The following DNTTIP2 variants were observed in gnomAD, a reference collection of about 807,000 sequenced individuals.
DNTTIP2 encodes deoxynucleotidyltransferase terminal interacting protein 2.
A neutral mutation model predicts 62.4 loss-of-function variants in DNTTIP2; 47 were observed. The observed-to-expected ratio is 0.75, with a 90% CI of 0.60 to 0.96. DNTTIP2 has a LOEUF of 0.96. DNTTIP2 is among the 40% of genes least tolerant of loss of function. The pLI is 0.00. For missense variants in DNTTIP2, 870 were observed against 849.1 expected, an observed-to-expected ratio of 1.02 and a Z score of -0.31; for synonymous variants, 322 against 300.9, an observed-to-expected ratio of 1.07 and a Z score of -0.73.
intron 1 of DNTTIP2, chr1:93,878,820 T>C: frequency 2.2e-6 from 1 of 463,702 alleles, no homozygotes; most frequent in Non-Finnish European, 3.8e-6. Flanking sequence ...ACTGTGCTTC[T>C]GCATTAAGGA....
intron 5 of DNTTIP2, 59 bp downstream of exon 5, chr1:93,872,013 T>C: frequency 6.3e-7 from 1 of 1,582,252 alleles, no homozygotes; most frequent in African/African-American, 1.3e-5. Context: ...TAAAGAACAC[T>C]ACAGTGCTTT....
rs6667991 is a variant in DNTTIP2, at chr1:93,869,398, T to C, written c.*453A>G. 0.39 allele frequency: 59,059 copies of C among 152,758 alleles called. 11,949 individuals are homozygous for C. The highest frequency in any genetic ancestry group is 0.62 in the East Asian group (3,212 of 5,192). The allele number at this position is 152,758 out of a possible 1,614,324, so 9.5% of individuals were successfully genotyped here. ...GAATTTTATAGCTAACTATAGGGCATTGCCTCTCTACCATCTCCCGTCCCC... is the reference window on the plus strand; with the variant it reads ...GAATTTTATAGCTAACTATAGGGCACTGCCTCTCTACCATCTCCCGTCCCC... On this transcript the variant is annotated 3_prime_UTR_variant, in exon 7 of 7. Coordinates refer to ENST00000436063, the MANE Select transcript of DNTTIP2 (RefSeq NM_014597.5).
In DNTTIP2 at chr1:93,875,649, T is replaced by G. The variant is rs1167723400; in HGVS notation, c.1802A>C (p.Asn601Thr). ...CTAACAGCACAATTAACTTACCTCA[T>G]TTTTCTTTTTCTCCTTGATCTGTGT... is the stretch of plus-strand genomic sequence containing the variant. ...TLTQIKEKKK[N>T]ELLQKAVITP... Residue 601 changes from asparagine (N) to threonine (T), a missense_variant, in exon 3 of 7, where the codon AAT becomes ACT. Physicochemically the swap from Asn to Thr is moderately conservative, Grantham distance 65 (BLOSUM62 0). Coordinates refer to ENST00000436063, the MANE Select transcript of DNTTIP2 (RefSeq NM_014597.5). 8 of 1,606,454 alleles carry G rather than the reference T, an allele frequency of 5.0e-6. No individual in the cohort carries two copies. Among genetic ancestry groups the G allele is most frequent in the Non-Finnish European group, 6.8e-6 (8 of 1,178,044 alleles).
intron 1 of DNTTIP2, 114 bp downstream of exon 1, chr1:93,878,963 C>A: frequency 1.4e-6 from 2 of 1,386,696 alleles, no homozygotes; most frequent in South Asian, 1.4e-5. Context: ...GCGCGGCAAG[C>A]TCGGGTCCTC....
intron 6 of DNTTIP2, 78 bp from the exon 7 acceptor site, chr1:93,870,022 G>A: frequency 1.4e-6 from 1 of 695,640 alleles, no homozygotes; most frequent in Non-Finnish European, 2.7e-6. Context: ...TAAAAGTTGG[G>A]AATGGAGTGG....
rs773776037 is a variant in DNTTIP2 at position 93,877,124 on chromosome 1, G to A, written c.811C>T (p.His271Tyr). ...YNNDFDDDFS[H>Y]RSSENILTVH... Reference sequence around the variant, plus strand: ...GTTAATATATTTTCTGAACTTCTGTGGGAGAAATCATCATCAAAGTCATTA... The same window carrying A: ...GTTAATATATTTTCTGAACTTCTGTAGGAGAAATCATCATCAAAGTCATTA... Residue 271 changes from histidine to tyrosine, a missense_variant, in exon 2 of 7, where the codon CAC becomes TAC. Coordinates refer to ENST00000436063, the MANE Select transcript of DNTTIP2 (RefSeq NM_014597.5). 1 of 1,611,598 alleles carries A rather than the reference G, an allele frequency of 6.2e-7. No homozygotes were observed. Among genetic ancestry groups the A allele is most frequent in the South Asian group, 1.1e-5 (1 of 91,034 alleles).
chr1:93,875,093 A>G (rs1655965470), intron 3 of DNTTIP2, among the ~76,000 whole-genome samples: 1 of 152,254 alleles, frequency 6.6e-6, no homozygotes, highest in South Asian at 2.1e-4. Context: ...ACCTGAGGAC[A>G]TCTAAATGAA....
Position 93,876,925 on chromosome 1 carries a change from T to C in DNTTIP2, c.1010A>G (p.Gln337Arg). ...TTTATTTTGGGGGGTTGAATGTCTC[T>C]GAGAAACTAACTGTTGAAGGCTAGT... ...QDTSLQQLVS[Q>R]RHSTPQNKNA... Residue 337 changes from glutamine (Q) to arginine (R), a missense_variant, in exon 2 of 7, where the codon CAG becomes CGG. Coordinates refer to ENST00000436063, the MANE Select transcript of DNTTIP2 (RefSeq NM_014597.5). 6.2e-7 allele frequency: 1 copy of C among 1,613,804 alleles called. No individual in the cohort carries two copies. Among genetic ancestry groups the C allele is most frequent in the Non-Finnish European group, 8.5e-7 (1 of 1,179,844 alleles).
In DNTTIP2 at chr1:93,879,098, C is replaced by T; in HGVS notation, c.51G>A (p.Ser17=). 1 of 1,613,754 alleles carries T rather than the reference C, an allele frequency of 6.2e-7. No homozygotes were observed. Among genetic ancestry groups the T allele is most frequent in the African/African-American group, 1.3e-5 (1 of 75,074 alleles). Residue 17 remains serine, a synonymous_variant, in exon 1 of 7, where the codon TCG becomes TCA. Transcript: ENST00000436063. The part of the protein sequence containing the change: ...ARAKASIQAA[S]AESSGQKSFA... ...CTACCTTTTGCCCGGAACTTTCAGC[C>T]GACGCGGCTTGGATGCTGGCCTTAG...
chr1:93,871,458 T>A (rs1479167859), intron 5 of DNTTIP2, among the ~76,000 whole-genome samples: 1 of 151,640 alleles, frequency 6.6e-6, no homozygotes, highest in Non-Finnish European at 1.5e-5. Flanking sequence ...AGCTTGAATT[T>A]GTATGGGTAA....
chr1:93,878,032 C>A, intron 1 of DNTTIP2, 170 bp from the exon 2 acceptor site: 2 of 1,056,704 alleles, frequency 1.9e-6, no homozygotes, highest in Non-Finnish European at 2.6e-6. Flanking sequence ...TTTGGCCGGG[C>A]GCGGTGGCTT....
chr1:93,868,981 CT>C lies in DNTTIP2; in HGVS notation c.*869del, dbSNP rs1655787678. ...CATGTTCTACACATGTACCCCAAAA[CT>C]ATTATTAAAAAAAAAAAAGATTTCA... On this transcript the variant is annotated 3_prime_UTR_variant, in exon 7 of 7. Coordinates refer to ENST00000436063, the MANE Select transcript of DNTTIP2 (RefSeq NM_014597.5). 1 of 150,036 alleles carries C rather than the reference CT, an allele frequency of 6.7e-6. No individual in the cohort carries two copies. 9.3% of individuals were successfully genotyped at this position (150,036 alleles called of 1,614,324 possible).
Position 93,876,695 on chromosome 1 carries a change from T to A in DNTTIP2, c.1240A>T (p.Ser414Cys), listed in dbSNP as rs960911982. 2.5e-6 allele frequency: 4 copies of A among 1,613,938 alleles called. No individual in the cohort carries two copies. In the African/African-American group the frequency reaches 5.3e-5, roughly 22 times the overall value. ...TVISVSEDMN[S>C]EGNVDFECDT... is the part of the protein sequence containing the mutation. Reference sequence around the variant, plus strand: ...CATTCAAAATCTACATTCCCTTCACTGTTCATGTCTTCACTGACACTTATA... The same window carrying A: ...CATTCAAAATCTACATTCCCTTCACAGTTCATGTCTTCACTGACACTTATA... Residue 414 changes from serine to cysteine, a missense_variant, in exon 2 of 7, where the codon AGT (serine) becomes TGT (cysteine). Physicochemically the swap from Ser to Cys is moderately radical, Grantham distance 112. Coordinates refer to ENST00000436063, the MANE Select transcript of DNTTIP2 (RefSeq NM_014597.5).
In DNTTIP2 at chr1:93,877,074, T is replaced by C. The variant is rs1395372534; in HGVS notation, c.861A>G (p.Glu287=). The C allele has an allele frequency of 1.2e-6, 2 of 1,611,976 alleles. No individual in the cohort carries two copies. Among genetic ancestry groups the C allele is most frequent in the Admixed American group, 3.3e-5 (2 of 60,022 alleles). The part of the protein sequence containing the change: ...ILTVHEQANV[E]SLKETKQNCK... The stretch of plus-strand genomic sequence containing the variant: ...AATTCTGTTTTGTTTCTTTAAGAGA[T>C]TCAACATTGGCCTGTTCGTGCACTG... Residue 287 remains glutamate (E), a synonymous_variant, in exon 2 of 7, where the codon GAA becomes GAG. Coordinates refer to ENST00000436063, the MANE Select transcript of DNTTIP2 (RefSeq NM_014597.5).
Position 93,877,041 on chromosome 1 carries a change from A to G in DNTTIP2, c.894T>C (p.Asp298=). ...TTATTCCATTGGCATCTTCATCCAA[A>G]TCCTTACAATTCTGTTTTGTTTCTT... is the stretch of plus-strand genomic sequence containing the variant. ...SLKETKQNCK[D]LDEDANGITD... is the part of the protein sequence containing the mutation. Residue 298 remains aspartate (D), a synonymous_variant, in exon 2 of 7, where the codon GAT becomes GAC. Coordinates refer to ENST00000436063, the MANE Select transcript of DNTTIP2 (RefSeq NM_014597.5). 2 of 1,612,434 alleles carry G rather than the reference A, an allele frequency of 1.2e-6. No individual in the cohort carries two copies. Among genetic ancestry groups the G allele is most frequent in the South Asian group, 2.2e-5 (2 of 91,078 alleles).
intron 5 of DNTTIP2, 192 bp from the exon 6 acceptor site, chr1:93,870,984 A>C (rs766121268): frequency 3.1e-5 from 11 of 359,452 alleles, no homozygotes; most frequent in Middle Eastern, 7.6e-4. Context: ...ATGTTTCTTC[A>C]GTAGTTTATA....
At position 93,876,884 on chromosome 1, in the gene DNTTIP2, G is replaced by T. The variant is rs371015241; in HGVS notation, c.1051C>A (p.His351Asn). 22 of 1,613,844 alleles carry T rather than the reference G, an allele frequency of 1.4e-5. No homozygotes were observed. The African/African-American group carries it at 2.9e-4, about 22-fold the overall frequency. Residue 351 changes from histidine (H) to asparagine (N), a missense_variant, in exon 2 of 7, where the codon CAC (histidine) becomes AAC (asparagine). His to Asn is a moderately conservative substitution (Grantham distance 68). Transcript: ENST00000436063. Reference sequence around the variant, plus strand: ...ACAGCCTCAGAGTTCAGATTAGAGTGCACTGATACAGCATTTTTATTTTGG... The same window carrying T: ...ACAGCCTCAGAGTTCAGATTAGAGTTCACTGATACAGCATTTTTATTTTGG... ...TPQNKNAVSV[H>N]SNLNSEAVMK...
At position 93,870,725 on chromosome 1, in the gene DNTTIP2, CT is replaced by C; in HGVS notation, c.2134del (p.Arg712GlufsTer93). 1 of 1,574,482 alleles carries C rather than the reference CT, an allele frequency of 6.4e-7. No homozygotes were observed. The highest frequency in any genetic ancestry group is 8.6e-7 in the Non-Finnish European group (1 of 1,157,190). On this transcript the variant is annotated frameshift_variant, in exon 6 of 7. Coordinates refer to ENST00000436063, the MANE Select transcript of DNTTIP2 (RefSeq NM_014597.5). LOFTEE classifies it high-confidence loss of function. ...HSRIPKKQRK[R>X]TIVEELLADS... Reference sequence around the variant, plus strand: ...AGCCAGCAGTTCTTCCACAATAGTTCTTTTCCTTTGCTTCTTGGGAATTCGT... The same window carrying C: ...AGCCAGCAGTTCTTCCACAATAGTTCTTTCCTTTGCTTCTTGGGAATTCGT...
At chr1:93,878,229 G>A (rs1400785261) in intron 1 of DNTTIP2, among the ~76,000 whole-genome samples, 1 of 152,094 alleles carries the variant, frequency 6.6e-6, no homozygotes, top group African/African-American at 2.4e-5. Flanking sequence ...GTTGGAATCC[G>A]GGAGGCAGAA....
Sources: allele counts gnomAD v4.1 joint callset (sites outside exome capture counted in the v4.1 genomes callset), GRCh38; gene constraint gnomAD v4.1.1; transcripts MANE v1.5; gene names NCBI Gene and HGNC (gene_info 2026-07-23, HGNC 2026-07-21).